Variants in SLC25A32 observed in about 807,000 individuals in gnomAD.
The protein encoded by SLC25A32 is solute carrier family 25 member 32.
Under a neutral mutation model 39.0 loss-of-function variants are expected in SLC25A32, and 32 were observed. The observed-to-expected ratio is 0.82, with a 90% CI of 0.62 to 1.10. SLC25A32 has a LOEUF of 1.10. SLC25A32 is among the 50% of genes least tolerant of loss of function. The probability of loss-of-function intolerance (pLI) is 0.00; values close to 1 mark genes in which losing one functional copy is unlikely to be tolerated. For synonymous variants in SLC25A32, 166 were observed against 152.4 expected, an observed-to-expected ratio of 1.09 and a Z score of -0.66; for missense variants, 367 against 395.3, an observed-to-expected ratio of 0.93 and a Z score of 0.61.
At chr8:103,414,755 T>C in intron 1 of SLC25A32, 29 bp downstream of exon 1, 1 of 1,612,986 alleles carries the variant, frequency 6.2e-7, no homozygotes, top group Non-Finnish European at 8.5e-7. Context: ...AGTGAGAGGA[T>C]GCAGCCCGGT....
intron 1 of SLC25A32, among the ~76,000 whole-genome samples, chr8:103,413,175 A>T (rs953986718): frequency 3.3e-5 from 5 of 152,190 alleles, no homozygotes; most frequent in Non-Finnish European, 7.3e-5. Context: ...CCCTTTCCTC[A>T]GGAATGATAT....
At chr8:103,402,137 T>C in intron 4 of SLC25A32, 83 bp from the exon 5 acceptor site, 1 of 853,462 alleles carries the variant, frequency 1.2e-6, no homozygotes, top group Non-Finnish European at 1.8e-6. Flanking sequence ...CTCTTCTCTC[T>C]CATTACAGCA....
chr8:103,414,946 G>C lies in SLC25A32; in HGVS notation c.-9C>G, dbSNP rs990243771. ...TGGCCCTGGCCCGTCATAGGCTCGG[G>C]GCCCGTCGACACCACGGCGCCCAGG... On this transcript the variant is annotated 5_prime_UTR_variant, in exon 1 of 7. Coordinates refer to ENST00000297578, the MANE Select transcript of SLC25A32 (RefSeq NM_030780.5). The C allele has an allele frequency of 1.0e-5, 16 of 1,596,508 alleles. No individual in the cohort carries two copies. Among genetic ancestry groups the C allele is most frequent in the Non-Finnish European group, 1.3e-5 (15 of 1,172,062 alleles).
rs571198099 is a variant in SLC25A32 at position 103,404,190 on chromosome 8, C to T, written c.391+586G>A. Among the ~76,000 whole-genome samples, 5 of 152,232 alleles carry T rather than the reference C, an allele frequency of 3.3e-5. 1 individual carries two copies. The highest frequency in any genetic ancestry group is 2.1e-4 in the South Asian group (1 of 4,822). On this transcript the variant is annotated intron_variant, in intron 3 of 6. Transcript: ENST00000297578. Reference sequence around the variant, plus strand: ...AATTATACTTTAAAGAAACACTATACCAAATCATTTTAAACCATTAGGGAT... The same window carrying T: ...AATTATACTTTAAAGAAACACTATATCAAATCATTTTAAACCATTAGGGAT...
intron 1 of SLC25A32, among the ~76,000 whole-genome samples, chr8:103,408,403 G>A (rs1349217917): frequency 1.3e-5 from 2 of 152,138 alleles, no homozygotes; most frequent in Non-Finnish European, 2.9e-5. Flanking sequence ...TAATCCAAAA[G>A]TCTCTTAGGT....
intron 5 of SLC25A32, 38 bp from the exon 6 acceptor site, chr8:103,401,699 G>T: frequency 6.6e-7 from 1 of 1,511,412 alleles, no homozygotes; most frequent in Non-Finnish European, 8.9e-7. Context: ...TCTTTAGACA[G>T]GATTTCTTTA....
At position 103,402,045 on chromosome 8, in the gene SLC25A32, G is replaced by C. The variant is rs1407124050; in HGVS notation, c.562C>G (p.Pro188Ala). ...GVRGLYKGFV[P>A]GLFGTSHGAL... ...CCATGCGATGTTCCAAACAGCCCAG[G>C]AACAAATCCCTACAAGGGAATGATT... The change falls in exon 5 of 7, where the codon CCT (proline) becomes GCT (alanine). Residue 188 changes from proline to alanine, a missense_variant. By Grantham distance (27) the Pro-to-Ala change is conservative. Coordinates refer to ENST00000297578, the MANE Select transcript of SLC25A32 (RefSeq NM_030780.5). 1 of 1,606,572 alleles carries C rather than the reference G, an allele frequency of 6.2e-7. No individual in the cohort carries two copies. Among genetic ancestry groups the C allele is most frequent in the South Asian group, 1.1e-5 (1 of 89,396 alleles).
In SLC25A32 at chr8:103,414,815, A is replaced by C; in HGVS notation, c.123T>G (p.His41Gln). The part of the protein sequence containing the change: ...SGGVLSNLAL[H>Q]PLDLVKIRFA... ...AGCGGATCTTCACGAGGTCGAGCGGATGCAGCGCAAGGTTGGATAAGACGC... is the reference window on the plus strand; with the variant it reads ...AGCGGATCTTCACGAGGTCGAGCGGCTGCAGCGCAAGGTTGGATAAGACGC... Residue 41 changes from histidine (H) to glutamine (Q), a missense_variant, in exon 1 of 7, where the codon CAT becomes CAG. Physicochemically the swap from His to Gln is conservative, Grantham distance 24. Coordinates refer to ENST00000297578, the MANE Select transcript of SLC25A32 (RefSeq NM_030780.5). 1.2e-6 allele frequency: 2 copies of C among 1,613,798 alleles called. No homozygotes were observed. The highest frequency in any genetic ancestry group is 8.5e-7 in the Non-Finnish European group (1 of 1,180,030).
Position 103,415,054 on chromosome 8 carries a change from A to C in SLC25A32, c.-117T>G. ...GAGCGCAACCCCACCTCCGGGACCA[A>C]CGAGAGGACTCTTATGCCCAAGGCG... On this transcript the variant is annotated 5_prime_UTR_variant, in exon 1 of 7. Coordinates refer to ENST00000297578, the MANE Select transcript of SLC25A32 (RefSeq NM_030780.5). 2 of 1,598,138 alleles carry C rather than the reference A, an allele frequency of 1.3e-6. No individual in the cohort carries two copies. Among genetic ancestry groups the C allele is most frequent in the Admixed American group, 1.8e-5 (1 of 56,938 alleles).
intron 1 of SLC25A32, among the ~76,000 whole-genome samples, chr8:103,411,328 C>G (rs1816458777): frequency 1.3e-5 from 2 of 152,110 alleles, no homozygotes. Context: ...TTTAAATAGA[C>G]TTAAGTCTCT....
chr8:103,401,699 G>A, intron 5 of SLC25A32, 38 bp from the exon 6 acceptor site: 1 of 1,511,412 alleles, frequency 6.6e-7, no homozygotes. Flanking sequence ...TCTTTAGACA[G>A]GATTTCTTTA....
chr8:103,404,815 A>C lies in SLC25A32; in HGVS notation c.352T>G (p.Leu118Val). The change falls in exon 3 of 7, where the codon TTA becomes GTA. Residue 118 changes from leucine (L) to valine (V), a missense_variant. By Grantham distance (32) the Leu-to-Val change is conservative (BLOSUM62 1). Transcript: ENST00000297578. ...SYKTEGRAER[L>V]EATEYLVSAA... ...GAGACAAGGTATTCTGTTGCCTCTA[A>C]ACGTTCAGCTCTTCCTTCTGTTTTA... is the stretch of plus-strand genomic sequence containing the variant. 1.2e-6 allele frequency: 2 copies of C among 1,613,512 alleles called. No homozygotes were observed. The highest frequency in any genetic ancestry group is 1.1e-5 in the South Asian group (1 of 91,044).
intron 6 of SLC25A32, among the ~76,000 whole-genome samples, chr8:103,401,018 C>G (rs1245116044): frequency 6.6e-6 from 1 of 152,172 alleles, no homozygotes; most frequent in African/African-American, 2.4e-5. Context: ...TAAATTTAAA[C>G]ATCCTAAATG....
Position 103,403,153 on chromosome 8 carries a change from T to A in SLC25A32, c.552+11A>T. 2 of 1,546,504 alleles carry A rather than the reference T, an allele frequency of 1.3e-6. No individual in the cohort carries two copies. Among genetic ancestry groups the A allele is most frequent in the Non-Finnish European group, 1.8e-6 (2 of 1,136,954 alleles). On this transcript the variant is annotated intron_variant, in intron 4 of 6. Coordinates refer to ENST00000297578, the MANE Select transcript of SLC25A32 (RefSeq NM_030780.5). ...TTTTCAGTTATTTAAAATATATTGA[T>A]AATTTGTTACCTTATATAATCCACG...
intron 1 of SLC25A32, among the ~76,000 whole-genome samples, chr8:103,412,093 T>C (rs1816479599): frequency 6.6e-6 from 1 of 152,134 alleles, no homozygotes; most frequent in South Asian, 2.1e-4. Flanking sequence ...ACTCTAAAAA[T>C]TATAAAGGAT....
chr8:103,401,597 G>A lies in SLC25A32; in HGVS notation c.731C>T (p.Pro244Leu), dbSNP rs1262662383. 4.3e-6 allele frequency: 7 copies of A among 1,613,444 alleles called. No individual in the cohort carries two copies. In the African/African-American group the frequency reaches 9.3e-5, roughly 22 times the overall value. The change falls in exon 6 of 7, where the codon CCA becomes CTA. Residue 244 changes from proline to leucine, a missense_variant. Physicochemically the swap from Pro to Leu is moderately conservative, Grantham distance 98. Coordinates refer to ENST00000297578, the MANE Select transcript of SLC25A32 (RefSeq NM_030780.5). ...AAGACGAGCTCTTACGACTTGATAT[G>A]GGTATGTTGCTGCGACAGCAAATAT... ...SKIFAVAATY[P>L]YQVVRARLQD...
At position 103,401,503 on chromosome 8, in the gene SLC25A32, C is replaced by G; in HGVS notation, c.812+13G>C. On this transcript the variant is annotated intron_variant, in intron 6 of 6. Coordinates refer to ENST00000297578, the MANE Select transcript of SLC25A32 (RefSeq NM_030780.5). ...CTTGTCAAAGCAATTTTTGATATAG[C>G]ACGTGCTCTCACCTCCATGTCTTTG... The G allele has an allele frequency of 6.2e-7, 1 of 1,608,400 alleles. No individual in the cohort carries two copies. The highest frequency in any genetic ancestry group is 8.5e-7 in the Non-Finnish European group (1 of 1,177,500).
At chr8:103,400,593 T>C (rs1563716311) in intron 6 of SLC25A32, 47 bp from the exon 7 acceptor site, 2 of 1,598,790 alleles carry the variant, frequency 1.3e-6, no homozygotes, top group Non-Finnish European at 8.5e-7. Flanking sequence ...TAGAGCTAGC[T>C]TGAAAACACG....
At chr8:103,407,576 A>C in intron 2 of SLC25A32, 58 bp downstream of exon 2, 15 of 1,342,938 alleles carry the variant, frequency 1.1e-5, no homozygotes, top group Non-Finnish European at 1.4e-5. Flanking sequence ...TGTAAAAATC[A>C]CCGAAAACAA....
Sources: gnomAD v4.1 joint callset for allele counts (sites outside exome capture counted in the v4.1 genomes callset) on GRCh38, gnomAD v4.1.1 for gene constraint, MANE v1.5 for transcripts, NCBI Gene and HGNC (gene_info 2026-07-23, HGNC 2026-07-21) for gene names.